SKP1: variants seen among roughly 807,000 people sequenced by gnomAD.
SKP1 encodes the protein S-phase kinase-associated protein 1.
A neutral mutation model predicts 21.5 loss-of-function variants in SKP1; 1 was observed. The observed-to-expected ratio is 0.05, with a 90% CI of 0.02 to 0.22. SKP1 has a LOEUF of 0.22. SKP1 is among the 10% of genes least tolerant of loss of function. The probability of loss-of-function intolerance (pLI) is 1.00; values close to 1 mark genes in which losing one functional copy is unlikely to be tolerated. For missense variants in SKP1, 70 were observed against 192.0 expected (o/e 0.36, Z 3.76); for synonymous variants, 59 against 59.3 (o/e 0.99, Z 0.03).
Position 134,150,698 on chromosome 5 carries a change from C to CCCTGG in SKP1, c.*7030_*7034dup, listed in dbSNP as rs1477417260. 6.6e-6 allele frequency: 1 copy of CCCTGG among 152,152 alleles called. No individual in the cohort carries two copies. The highest frequency in any genetic ancestry group is 6.5e-5 in the Admixed American group (1 of 15,278). 9.4% of individuals were successfully genotyped at this position (152,152 alleles called of 1,614,324 possible). On this transcript the variant is annotated 3_prime_UTR_variant, in exon 6 of 6. Transcript: ENST00000353411. Reference sequence around the variant, plus strand: ...TGAAACAGCTGCCCACCCAAGCAGACCCTGGTTGTGTCAACTCCCCCAATC... The same window carrying CCCTGG: ...TGAAACAGCTGCCCACCCAAGCAGACCCTGGCCTGGTTGTGTCAACTCCCCCAATC...
chr5:134,171,756 T>C (rs1277931400), intron 2 of SKP1, among the ~76,000 whole-genome samples: 1 of 152,210 alleles, frequency 6.6e-6, no homozygotes, highest in Non-Finnish European at 1.5e-5. Context: ...ATTTGAAATA[T>C]CACCTCGGCT....
At chr5:134,159,816 G>C (rs1031244966) in intron 4 of SKP1, among the ~76,000 whole-genome samples, 4 of 151,742 alleles carry the variant, frequency 2.6e-5, no homozygotes, top group Admixed American at 1.3e-4. Flanking sequence ...CAAAGTGCTG[G>C]GATTATAGGC....
At chr5:134,170,910 G>A (rs892501195) in intron 2 of SKP1, 10 of 417,884 alleles carry the variant, frequency 2.4e-5, no homozygotes, top group African/African-American at 6.2e-5. Flanking sequence ...GCAGCAATTC[G>A]GGTATCAGTT....
rs1761026310 is a variant in SKP1 at position 134,150,303 on chromosome 5, C to T, written c.*7430G>A. 2 of 152,266 alleles carry T rather than the reference C, an allele frequency of 1.3e-5. No homozygotes were observed. The highest frequency in any genetic ancestry group is 2.9e-5 in the Non-Finnish European group (2 of 68,088). The allele number at this position is 152,266 out of a possible 1,614,324, so 9.4% of individuals were successfully genotyped here. On this transcript the variant is annotated 3_prime_UTR_variant, in exon 6 of 6. Transcript: ENST00000353411. ...ATTCCTTCTGGCTGTGGACCCCTAA[C>T]AGCTAGCTCAGAAGCACTGCACCCT...
chr5:134,161,685 T>C (rs536842068), intron 3 of SKP1: 1 of 152,242 alleles, frequency 6.6e-6, no homozygotes, highest in Non-Finnish European at 1.5e-5. Context: ...CTTTGAAAGC[T>C]AATCCAGCAC....
chr5:134,163,177 T>C (rs966645502), intron 3 of SKP1, among the ~76,000 whole-genome samples: 4 of 122,912 alleles, frequency 3.3e-5, no homozygotes, highest in African/African-American at 1.3e-4. Flanking sequence ...ATCGTGCCAC[T>C]GCACTCCAGC....
At position 134,149,557 on chromosome 5, in the gene SKP1, A is replaced by G. The variant is rs1761008261; in HGVS notation, c.*8176T>C. 6.6e-6 allele frequency: 1 copy of G among 152,294 alleles called. No homozygotes were observed. The highest frequency in any genetic ancestry group is 2.1e-4 in the South Asian group (1 of 4,838). 9.4% of individuals were successfully genotyped at this position (152,294 alleles called of 1,614,324 possible). On this transcript the variant is annotated 3_prime_UTR_variant, in exon 6 of 6. Coordinates refer to ENST00000353411, the MANE Select transcript of SKP1 (RefSeq NM_170679.3). ...AAAGTATAAAGTCATTTTCCAGAAC[A>G]GCGTCTATTTAAAGTAGGCCACTGG...
intron 5 of SKP1, 25 bp downstream of exon 5, chr5:134,158,430 A>C (rs533008533): frequency 1.2e-6 from 2 of 1,613,998 alleles, no homozygotes; most frequent in African/African-American, 2.7e-5. Flanking sequence ...GCATGTGATC[A>C]AAGACAAAAC....
chr5:134,168,909 T>C (rs971070160), intron 2 of SKP1, among the ~76,000 whole-genome samples: 1 of 151,846 alleles, frequency 6.6e-6, no homozygotes, highest in African/African-American at 2.4e-5. Flanking sequence ...AGTCCAGAAA[T>C]CAAGAGAAGA....
chr5:134,157,668 A>T lies in SKP1; in HGVS notation c.*65T>A, dbSNP rs1292872877. The T allele has an allele frequency of 7.9e-7, 1 of 1,257,972 alleles. No individual in the cohort carries two copies. Among genetic ancestry groups the T allele is most frequent in the Admixed American group, 1.7e-5 (1 of 59,526 alleles). 77.9% of individuals were successfully genotyped at this position (1,257,972 alleles called of 1,614,324 possible). On this transcript the variant is annotated 3_prime_UTR_variant, in exon 6 of 6. Transcript: ENST00000353411. ...CTGTTTGTCTAATATTAACAATTAT[A>T]AACAGAGCAGTGCAACTAGTATTTG...
rs530790213 is a variant in SKP1, at chr5:134,154,662, A to C, written c.*3071T>G. 1 of 152,280 alleles carries C rather than the reference A, an allele frequency of 6.6e-6. No homozygotes were observed. The highest frequency in any genetic ancestry group is 1.9e-4 in the East Asian group (1 of 5,184). The allele number at this position is 152,280 out of a possible 1,614,324, so 9.4% of individuals were successfully genotyped here. ...ATCATTAAAAGCAGCACACTGCAGA[A>C]AGCAGCATGTTGTTTACAGAGGAAA... is the stretch of plus-strand genomic sequence containing the variant. On this transcript the variant is annotated 3_prime_UTR_variant, in exon 6 of 6. Coordinates refer to ENST00000353411, the MANE Select transcript of SKP1 (RefSeq NM_170679.3).
Position 134,173,975 on chromosome 5 carries a change from A to G in SKP1, c.48T>C (p.Val16=). The G allele has an allele frequency of 6.2e-7, 1 of 1,611,666 alleles. No individual in the cohort carries two copies. Among genetic ancestry groups the G allele is most frequent in the Non-Finnish European group, 8.5e-7 (1 of 1,177,844 alleles). ...CAGATTGTTTGGCAATTTCCACATCAACTTCAAATATCTCTCCATCAGAAC... is the reference window on the plus strand; with the variant it reads ...CAGATTGTTTGGCAATTTCCACATCGACTTCAAATATCTCTCCATCAGAAC... The part of the protein sequence containing the change: ...LQSSDGEIFE[V]DVEIAKQSVT... Residue 16 remains valine (V), a synonymous_variant, in exon 2 of 6, where the codon GTT becomes GTC. Transcript: ENST00000353411.
chr5:134,165,744 G>C (rs912673108), intron 3 of SKP1, among the ~76,000 whole-genome samples: 4 of 152,008 alleles, frequency 2.6e-5, no homozygotes, highest in African/African-American at 9.7e-5. Context: ...AAATTAGCCA[G>C]GCGTGGTGGC....
chr5:134,165,463 G>A (rs1293199765), intron 3 of SKP1, among the ~76,000 whole-genome samples: 2 of 151,566 alleles, frequency 1.3e-5, no homozygotes, highest in Non-Finnish European at 2.9e-5. Context: ...GGTAGCGGGT[G>A]TCTGTAATCC....
chr5:134,173,889 C>A (rs1561724018), intron 2 of SKP1, 37 bp downstream of exon 2: 1 of 1,094,314 alleles, frequency 9.1e-7, no homozygotes. Flanking sequence ...TCTCAAATTA[C>A]ACATTTCCTC....
intron 2 of SKP1, chr5:134,171,174 C>T (rs1168416470): frequency 2.7e-6 from 1 of 366,154 alleles, no homozygotes; most frequent in African/African-American, 2.1e-5. Context: ...ACAGAAGTCA[C>T]CCACTTAGAA....
In SKP1 at chr5:134,155,914, C is replaced by A. The variant is rs2149372228; in HGVS notation, c.*1819G>T. 6.6e-6 allele frequency: 1 copy of A among 152,354 alleles called. No individual in the cohort carries two copies. The highest frequency in any genetic ancestry group is 2.1e-4 in the South Asian group (1 of 4,826). 9.4% of individuals were successfully genotyped at this position (152,354 alleles called of 1,614,324 possible). A position where few individuals can be genotyped will look rare whatever the true frequency, so the allele number is the denominator to read the frequency against. The stretch of plus-strand genomic sequence containing the variant: ...GGCTCAAGCCATCTTCCCACCTCAG[C>A]CTCTCAAGTAGTTGGGATTATAGGC... On this transcript the variant is annotated 3_prime_UTR_variant, in exon 6 of 6. Transcript: ENST00000353411.
In SKP1 at chr5:134,151,542, C is replaced by A; in HGVS notation, c.*6191G>T. 1 of 339,296 alleles carries A rather than the reference C, an allele frequency of 2.9e-6. No individual in the cohort carries two copies. The highest frequency in any genetic ancestry group is 6.1e-6 in the Non-Finnish European group (1 of 164,614). 21.0% of individuals were successfully genotyped at this position (339,296 alleles called of 1,614,324 possible). A position where few individuals can be genotyped will look rare whatever the true frequency, so the allele number is the denominator to read the frequency against. ...AGGTGGGAGGTATTCAAAGTGAGAG[C>A]ACTTTAAGGAAATAAGCTGATCCTC... is the stretch of plus-strand genomic sequence containing the variant. On this transcript the variant is annotated 3_prime_UTR_variant, in exon 6 of 6. Transcript: ENST00000353411.
At chr5:134,167,049 A>C (rs1761345838) in intron 3 of SKP1, 121 bp downstream of exon 3, 1 of 623,254 alleles carries the variant, frequency 1.6e-6, no homozygotes, top group South Asian at 2.1e-5. Flanking sequence ...GAACATTCAA[A>C]TTTAAATGTA....
Sources: allele counts gnomAD v4.1 joint callset (sites outside exome capture counted in the v4.1 genomes callset), GRCh38; gene constraint gnomAD v4.1.1; transcripts MANE v1.5; gene names NCBI Gene and HGNC (gene_info 2026-07-23, HGNC 2026-07-21).